Variants in FA2H observed in about 807,000 individuals in gnomAD.
FA2H encodes fatty acid alpha-hydroxylase.
In FA2H, 22 loss-of-function variants were observed where a neutral mutation model predicts 44.9. That is an observed-to-expected ratio of 0.49 (90% CI 0.35 to 0.70). The LOEUF (loss-of-function observed/expected upper bound fraction) is 0.70, where lower values mean the gene tolerates loss of function less well. FA2H is among the 30% of genes least tolerant of loss of function. FA2H has a pLI of 0.01. For synonymous variants in FA2H, 243 were observed against 213.2 expected, an observed-to-expected ratio of 1.14 and a Z score of -1.22; for missense variants, 501 against 504.9, an observed-to-expected ratio of 0.99 and a Z score of 0.07.
In FA2H at chr16:74,766,868, CAAA is replaced by C. The variant is rs1962818318; in HGVS notation, c.270+7615_270+7617del. Among the ~76,000 whole-genome samples, 5 of 152,184 alleles carry C rather than the reference CAAA, an allele frequency of 3.3e-5. No individual in the cohort carries two copies. In the South Asian group the frequency reaches 1.0e-3, roughly 32 times the overall value. ...TGCCCATATAAACATGAGGGATTCA[CAAA>C]ACTATCCTATGGGGATAGAGATTAG... On this transcript the variant is annotated intron_variant, in intron 1 of 6. Coordinates refer to ENST00000219368, the MANE Select transcript of FA2H (RefSeq NM_024306.5).
intron 1 of FA2H, among the ~76,000 whole-genome samples, chr16:74,741,946 C>G (rs1401545550): frequency 6.6e-6 from 1 of 150,430 alleles, no homozygotes; most frequent in African/African-American, 2.5e-5. Context: ...ATGGAAATGC[C>G]TTAAATATCC....
chr16:74,714,376 A>G (rs1961648044), intron 6 of FA2H, 107 bp from the exon 7 acceptor site: 3 of 767,008 alleles, frequency 3.9e-6, no homozygotes, highest in African/African-American at 1.7e-5. Flanking sequence ...CAATGTCAAT[A>G]TCTGTCCCCT....
intron 1 of FA2H, among the ~76,000 whole-genome samples, chr16:74,766,073 C>T (rs974859818): frequency 6.6e-6 from 1 of 151,844 alleles, no homozygotes; most frequent in Non-Finnish European, 1.5e-5. Context: ...TTTGGGAGGC[C>T]GAGGCAGGTG....
chr16:74,716,647 C>A, intron 5 of FA2H, 48 bp from the exon 6 acceptor site: 1 of 1,515,386 alleles, frequency 6.6e-7, no homozygotes, highest in African/African-American at 1.4e-5. Context: ...GGGGCCCCGG[C>A]AGCTGGCCAA....
chr16:74,767,873 G>A (rs1176974679), intron 1 of FA2H, among the ~76,000 whole-genome samples: 1 of 152,216 alleles, frequency 6.6e-6, no homozygotes, highest in Non-Finnish European at 1.5e-5. Flanking sequence ...GCAGCCAGGT[G>A]AAGAAAGTGT....
intron 1 of FA2H, among the ~76,000 whole-genome samples, chr16:74,766,357 G>C (rs530760421): frequency 1.3e-5 from 2 of 152,190 alleles, no homozygotes; most frequent in Admixed American, 1.3e-4. Flanking sequence ...CAGGTAAAGA[G>C]CTATGAGAGT....
chr16:74,727,112 C>T (rs1961975994), intron 3 of FA2H, 132 bp downstream of exon 3: 1 of 1,249,484 alleles, frequency 8.0e-7, no homozygotes, highest in Non-Finnish European at 1.1e-6. Flanking sequence ...TGGCATGTTC[C>T]TCCCTCCCTG....
intron 4 of FA2H, 25 bp from the exon 5 acceptor site, chr16:74,719,185 G>A: frequency 6.2e-7 from 1 of 1,605,768 alleles, no homozygotes; most frequent in South Asian, 1.1e-5. Flanking sequence ...GGAGAGCGAG[G>A]TGAGGACCGG....
chr16:74,724,767 C>A (rs1371567837), intron 4 of FA2H, among the ~76,000 whole-genome samples: 8 of 152,146 alleles, frequency 5.3e-5, no homozygotes, highest in Admixed American at 5.2e-4. Context: ...GGCCGTGTGG[C>A]TGATAGAGCC....
intron 1 of FA2H, among the ~76,000 whole-genome samples, chr16:74,766,757 A>C (rs1341832993): frequency 6.6e-6 from 1 of 152,196 alleles, no homozygotes; most frequent in Non-Finnish European, 1.5e-5. Context: ...TAGCCAATGG[A>C]AACGATTACT....
In FA2H at chr16:74,737,530, C is replaced by T. The variant is rs1341090708; in HGVS notation, c.363+2493G>A. Among the ~76,000 whole-genome samples, 3 of 152,180 alleles carry T rather than the reference C, an allele frequency of 2.0e-5. No homozygotes were observed. In the East Asian group the frequency reaches 5.8e-4, roughly 29 times the overall value. ...TCTTTTCAGATCCTTCTAACTCTGC[C>T]CTGGCTCCCCTGGCCTGTTGTCCTC... On this transcript the variant is annotated intron_variant, in intron 2 of 6. Transcript: ENST00000219368.
At chr16:74,743,231 C>A (rs1962348018) in intron 1 of FA2H, among the ~76,000 whole-genome samples, 1 of 152,198 alleles carries the variant, frequency 6.6e-6, no homozygotes, top group South Asian at 2.1e-4. Context: ...CATAATTGTT[C>A]TTTTGGCTCA....
chr16:74,745,468 G>C (rs1962400383), intron 1 of FA2H, among the ~76,000 whole-genome samples: 1 of 152,216 alleles, frequency 6.6e-6, no homozygotes, highest in Non-Finnish European at 1.5e-5. Flanking sequence ...GGCAGGAAAA[G>C]AGCCTTCCAT....
chr16:74,741,806 A>ATGTGTGTG (rs1482714202), intron 1 of FA2H, among the ~76,000 whole-genome samples: 14 of 60,754 alleles, frequency 2.3e-4, no homozygotes, highest in East Asian at 1.1e-3. Context: ...ATATATATAT[A>ATGTGTGTG]TATGTGTGTG....
At chr16:74,720,854 C>T (rs190096438) in intron 4 of FA2H, among the ~76,000 whole-genome samples, 14 of 152,240 alleles carry the variant, frequency 9.2e-5, no homozygotes, top group East Asian at 1.9e-4. Context: ...CTTTTATGAC[C>T]GGCTTCTCTT....
chr16:74,762,988 C>A (rs1962741238), intron 1 of FA2H, among the ~76,000 whole-genome samples: 1 of 152,162 alleles, frequency 6.6e-6, no homozygotes, highest in Non-Finnish European at 1.5e-5. Context: ...GAGAAAGCAA[C>A]CATGAAACCA....
chr16:74,731,107 C>A (rs1175551804), intron 2 of FA2H, among the ~76,000 whole-genome samples: 1 of 151,934 alleles, frequency 6.6e-6, no homozygotes, highest in Non-Finnish European at 1.5e-5. Flanking sequence ...CTCTTGCAGA[C>A]AGAATATAGT....
At chr16:74,769,870 G>C (rs1962873819) in intron 1 of FA2H, among the ~76,000 whole-genome samples, 1 of 152,204 alleles carries the variant, frequency 6.6e-6, no homozygotes, top group Non-Finnish European at 1.5e-5. Flanking sequence ...GCTCAAGGTG[G>C]GCAGCTTGGC....
chr16:74,725,350 A>G (rs188513628), intron 4 of FA2H, among the ~76,000 whole-genome samples: 2 of 152,308 alleles, frequency 1.3e-5, no homozygotes, highest in East Asian at 3.9e-4. Flanking sequence ...GGACAGACAG[A>G]CCACAGGGCA....
Sources: gnomAD v4.1 joint callset for allele counts (sites outside exome capture counted in the v4.1 genomes callset) on GRCh38, gnomAD v4.1.1 for gene constraint, MANE v1.5 for transcripts, NCBI Gene and HGNC (gene_info 2026-07-23, HGNC 2026-07-21) for gene names.